The following GRIA3 variants were observed in gnomAD, a reference collection of about 807,000 sequenced individuals.
GRIA3 encodes glutamate receptor 3.
In GRIA3, 3 loss-of-function variants were observed where a neutral mutation model predicts 63.0. That is an observed-to-expected ratio of 0.05 (90% confidence interval 0.02 to 0.12). The LOEUF is 0.12. GRIA3 is among the 10% of genes least tolerant of loss of function. The pLI, the probability that GRIA3 is intolerant of heterozygous loss-of-function variation, is 1.00. For missense variants in GRIA3, 347 were observed against 700.9 expected (o/e 0.50, Z 5.70); for synonymous variants, 274 against 257.9 (o/e 1.06, Z -0.60).
chrX:123,225,755 G>A (rs1330764931), intron 2 of GRIA3, among the ~76,000 whole-genome samples: 2 of 111,689 alleles, frequency 1.8e-5, no homozygotes, highest in African/African-American at 6.5e-5. Context: ...CAGCATGCTT[G>A]AAAATACCAT....
At chrX:123,356,405 A>G (rs1351152999) in intron 5 of GRIA3, among the ~76,000 whole-genome samples, 2 of 109,611 alleles carry the variant, frequency 1.8e-5, no homozygotes, top group African/African-American at 6.6e-5. Flanking sequence ...GGTTTATAGC[A>G]CAGTGTTTAA....
intron 12 of GRIA3, among the ~76,000 whole-genome samples, chrX:123,451,773 A>G (rs752910420): frequency 4.6e-5 from 5 of 109,415 alleles, no homozygotes; most frequent in African/African-American, 6.6e-5. Flanking sequence ...CTAGAGGAGT[A>G]GCAAGCAGGG....
At chrX:123,191,650 G>A (rs1310593248) in intron 2 of GRIA3, among the ~76,000 whole-genome samples, 1 of 110,582 alleles carries the variant, frequency 9.0e-6, no homozygotes, top group African/African-American at 3.3e-5. Context: ...CCTGATTCTA[G>A]CATCCCATCC....
chrX:123,296,245 G>C (rs1208571373), intron 3 of GRIA3, among the ~76,000 whole-genome samples: 2 of 111,084 alleles, frequency 1.8e-5, no homozygotes, highest in East Asian at 5.7e-4. Context: ...GGACAGACTA[G>C]ATTACAGGTC....
chrX:123,200,939 A>G (rs1483036284), intron 2 of GRIA3, among the ~76,000 whole-genome samples: 1 of 111,837 alleles, frequency 8.9e-6, no homozygotes, highest in African/African-American at 3.2e-5. Flanking sequence ...AGACTCTCTG[A>G]GTTCAAATCC....
chrX:123,416,469 C>T (rs1039442998), intron 10 of GRIA3, among the ~76,000 whole-genome samples: 5 of 112,029 alleles, frequency 4.5e-5, no homozygotes, highest in Non-Finnish European at 9.4e-5. Flanking sequence ...CAGACTATGA[C>T]TTACTACTGT....
At chrX:123,423,054 T>G (rs1020415396) in intron 11 of GRIA3, among the ~76,000 whole-genome samples, 1 of 112,221 alleles carries the variant, frequency 8.9e-6, no homozygotes, top group African/African-American at 3.2e-5. Context: ...AGAGTCCAAG[T>G]CCTTCCAGAC....
At chrX:123,452,362 CA>C (rs746187960) in intron 12 of GRIA3, among the ~76,000 whole-genome samples, 33 of 101,061 alleles carry the variant, frequency 3.3e-4, no homozygotes, top group Middle Eastern at 5.0e-3. Context: ...ACTCCCCCCC[CA>C]AAAAAAAAAA....
intron 3 of GRIA3, among the ~76,000 whole-genome samples, chrX:123,298,832 C>T (rs764539921): frequency 3.6e-4 from 40 of 111,321 alleles, no homozygotes; most frequent in African/African-American, 1.2e-3. Context: ...ATGCTATTTC[C>T]CTGGTTGTCT....
At chrX:123,253,649 T>C in intron 3 of GRIA3, 107 bp downstream of exon 3, 1 of 646,453 alleles carries the variant, frequency 1.5e-6, no homozygotes, top group Non-Finnish European at 2.4e-6. Context: ...AATTCTGTTT[T>C]AAAATTGTAT....
chrX:123,407,361 T>C (rs2045479785), intron 10 of GRIA3, among the ~76,000 whole-genome samples: 1 of 111,519 alleles, frequency 9.0e-6, no homozygotes, highest in Admixed American at 9.5e-5. Context: ...GTGACTATCT[T>C]AGTTTGTTTG....
intron 12 of GRIA3, among the ~76,000 whole-genome samples, chrX:123,428,935 T>C (rs1466334209): frequency 8.9e-6 from 1 of 111,951 alleles, no homozygotes; most frequent in Non-Finnish European, 1.9e-5. Flanking sequence ...AGAATACTAG[T>C]AGAGTTTTTA....
chrX:123,308,421 G>T (rs2044768738), intron 3 of GRIA3, among the ~76,000 whole-genome samples: 1 of 111,653 alleles, frequency 9.0e-6, no homozygotes, highest in African/African-American at 3.3e-5. Flanking sequence ...CTCTGTAATT[G>T]ATATGCTGAT....
chrX:123,290,859 C>T (rs898532805), intron 3 of GRIA3, among the ~76,000 whole-genome samples: 2 of 110,642 alleles, frequency 1.8e-5, no homozygotes, highest in Admixed American at 9.6e-5. Flanking sequence ...TGAAGGTGGC[C>T]ACTTATAAGG....
intron 2 of GRIA3, among the ~76,000 whole-genome samples, chrX:123,197,043 A>C (rs1927592677): frequency 8.9e-6 from 1 of 112,108 alleles, no homozygotes. Flanking sequence ...AAACAGTAAA[A>C]GTTGTAAGAG....
At chrX:123,394,036 GAA>G (rs985355367) in intron 5 of GRIA3, among the ~76,000 whole-genome samples, 7 of 112,481 alleles carry the variant, frequency 6.2e-5, no homozygotes, top group Non-Finnish European at 1.1e-4. Flanking sequence ...CAAATTAGAA[GAA>G]AGTGGTGGAT....
intron 3 of GRIA3, among the ~76,000 whole-genome samples, chrX:123,277,204 C>T (rs1344933964): frequency 9.1e-6 from 1 of 110,274 alleles, no homozygotes; most frequent in Admixed American, 9.7e-5. Context: ...ATGTGAAATA[C>T]GCACATCATG....
At chrX:123,417,380 T>C (rs1263195119) in intron 10 of GRIA3, 22 bp from the exon 11 acceptor site, 1 of 1,168,062 alleles carries the variant, frequency 8.6e-7, no homozygotes, top group East Asian at 3.0e-5. Flanking sequence ...ATATATGTTT[T>C]CTTTTTTTTC....
chrX:123,224,060 T>C (rs1433211832), intron 2 of GRIA3, among the ~76,000 whole-genome samples: 1 of 112,091 alleles, frequency 8.9e-6, no homozygotes, highest in African/African-American at 3.2e-5. Context: ...AGCCAAGTCC[T>C]GTGGTTAGTT....
Sources: gnomAD v4.1 joint callset for allele counts (sites outside exome capture counted in the v4.1 genomes callset) on GRCh38, gnomAD v4.1.1 for gene constraint, MANE v1.5 for transcripts, NCBI Gene and HGNC (gene_info 2026-07-23, HGNC 2026-07-21) for gene names.